TMEM201: variants seen among roughly 807,000 people sequenced by gnomAD.
TMEM201 encodes RP13-15M17.2.
In TMEM201, 26 loss-of-function variants were observed where a neutral mutation model predicts 63.4. The ratio of observed to expected loss-of-function variants is 0.41; its 90% CI spans 0.30 to 0.57. The LOEUF (loss-of-function observed/expected upper bound fraction) is 0.57, where lower values mean the gene tolerates loss of function less well. Among genes scored for constraint, TMEM201 ranks in the 20% least tolerant of loss-of-function variants. The pLI, the probability that TMEM201 is intolerant of heterozygous loss-of-function variation, is 0.29. For missense variants in TMEM201, 794 were observed against 917.7 expected, an observed-to-expected ratio of 0.87 and a Z score of 1.74; for synonymous variants, 417 against 421.6, an observed-to-expected ratio of 0.99 and a Z score of 0.14.
rs577835400 is a variant in TMEM201 at position 9,612,071 on chromosome 1, TC to T, written c.1903+186del. ...GGGTCAGGGACTCAGTAGACGGCACTCCCCCTCTCGGGATTTGGGCCCCGAT... is the reference window on the plus strand; with the variant it reads ...GGGTCAGGGACTCAGTAGACGGCACTCCCCTCTCGGGATTTGGGCCCCGAT... On this transcript the variant is annotated intron_variant, in intron 10 of 10. Transcript: ENST00000340381. Among the ~76,000 whole-genome samples the T allele has an allele frequency of 3.1e-4, 47 of 152,266 alleles. 1 individual carries two copies. In the South Asian group the frequency reaches 9.7e-3, roughly 32 times the overall value.
At chr1:9,612,661 C>A (rs1569968342) in intron 10 of TMEM201, among the ~76,000 whole-genome samples, 1 of 152,206 alleles carries the variant, frequency 6.6e-6, no homozygotes, top group African/African-American at 2.4e-5. Context: ...CTCCTGTTCC[C>A]AGCCCCCATG....
At chr1:9,606,587 GC>G (rs1176861040) in intron 6 of TMEM201, 1 of 152,294 alleles carries the variant, frequency 6.6e-6, no homozygotes, top group Non-Finnish European at 1.5e-5. Flanking sequence ...GGGCCAGCCT[GC>G]CCGCTCACCA....
chr1:9,593,949 G>T (rs1245531174), intron 1 of TMEM201, among the ~76,000 whole-genome samples: 1 of 152,362 alleles, frequency 6.6e-6, no homozygotes, highest in South Asian at 2.1e-4. Context: ...TTAGTTGCCC[G>T]GGAGTGCTAG....
intron 9 of TMEM201, among the ~76,000 whole-genome samples, 178 bp from the exon 10 acceptor site, chr1:9,611,575 G>A (rs904342892): frequency 3.3e-5 from 5 of 152,234 alleles, no homozygotes; most frequent in African/African-American, 1.2e-4. Flanking sequence ...GCAGACAAGA[G>A]GTGGCAGGAC....
intron 3 of TMEM201, among the ~76,000 whole-genome samples, chr1:9,597,513 G>A (rs1644048363): frequency 6.6e-6 from 1 of 150,574 alleles, no homozygotes; most frequent in African/African-American, 2.5e-5. Context: ...GCTTCTGGGA[G>A]GAGGAGGAAG....
intron 1 of TMEM201, among the ~76,000 whole-genome samples, chr1:9,593,409 G>A (rs1434352375): frequency 6.6e-6 from 1 of 152,208 alleles, no homozygotes; most frequent in African/African-American, 2.4e-5. Flanking sequence ...CTGGCAGGTA[G>A]GGCCCGCCTG....
In TMEM201 at chr1:9,608,869, G is replaced by A. The variant is rs1644282860; in HGVS notation, c.1394-971G>A. On this transcript the variant is annotated intron_variant, in intron 7 of 10. Coordinates refer to ENST00000340381, the MANE Select transcript of TMEM201 (RefSeq NM_001130924.3). This position sits in a 1 kb window ranked among gnomAD's most constrained non-coding sequence, Gnocchi z 4.3. ...GGCGCAAGCTTGTCTTGGAGTGTCCGGTGACAGATGGGACCCCAGTCTCCA... is the reference window on the plus strand; with the variant it reads ...GGCGCAAGCTTGTCTTGGAGTGTCCAGTGACAGATGGGACCCCAGTCTCCA... 1.3e-5 allele frequency among the ~76,000 whole-genome samples: 2 copies of A among 152,350 alleles called. No homozygotes were observed. The highest frequency in any genetic ancestry group is 4.8e-5 in the African/African-American group (2 of 41,582).
Position 9,607,653 on chromosome 1 carries a change from C to T in TMEM201, c.1257C>T (p.Ile419=), listed in dbSNP as rs995211719. ...GAGGCTCTCCAGCGTCTCTGTTCAT[C>T]CCCAGCCCGCCCAGCTTCCTGCCCC... ...SVGGSPASLF[I]PSPPSFLPLA... The change falls in exon 7 of 11, where the codon ATC becomes ATT. Residue 419 remains isoleucine, a synonymous_variant. Transcript: ENST00000340381. The surrounding 1 kb of genome is among the most constrained non-coding windows in gnomAD (Gnocchi z 5.4). 4.6e-5 allele frequency: 72 copies of T among 1,551,802 alleles called. No homozygotes were observed. The highest frequency in any genetic ancestry group is 5.1e-5 in the Non-Finnish European group (59 of 1,147,080).
chr1:9,598,829 G>C (rs1037095208), intron 4 of TMEM201, among the ~76,000 whole-genome samples: 16 of 149,822 alleles, frequency 1.1e-4, no homozygotes, highest in Admixed American at 8.6e-4. Flanking sequence ...TTGTATTTTT[G>C]GTAGAAACGG....
chr1:9,610,857 G>A lies in TMEM201; in HGVS notation c.1765+52G>A, dbSNP rs1187691797. Reference sequence around the variant, plus strand: ...GCCGTGGGAGGGCCTCTGCTGCCAAGAGGCCTGGCTGTGCGGCGGTGGGGG... The same window carrying A: ...GCCGTGGGAGGGCCTCTGCTGCCAAAAGGCCTGGCTGTGCGGCGGTGGGGG... On this transcript the variant is annotated intron_variant, in intron 9 of 10. Transcript: ENST00000340381. This position sits in a 1 kb window ranked among gnomAD's most constrained non-coding sequence, Gnocchi z 4.9. The A allele has an allele frequency of 6.7e-7, 1 of 1,500,852 alleles. No homozygotes were observed. Among genetic ancestry groups the A allele is most frequent in the East Asian group, 2.5e-5 (1 of 40,330 alleles). The allele number at this position is 1,500,852 out of a possible 1,614,324, so 93.0% of individuals were successfully genotyped here. A position where few individuals can be genotyped will look rare whatever the true frequency, so the allele number is the denominator to read the frequency against.
At position 9,604,245 on chromosome 1, in the gene TMEM201, G is replaced by A. The variant is rs1475267202; in HGVS notation, c.1160+1973G>A. 1 of 985,300 alleles carries A rather than the reference G, an allele frequency of 1.0e-6. No homozygotes were observed. Among genetic ancestry groups the A allele is most frequent in the African/African-American group, 1.7e-5 (1 of 57,220 alleles). 61.0% of individuals were successfully genotyped at this position (985,300 alleles called of 1,614,324 possible). A position where few individuals can be genotyped will look rare whatever the true frequency, so the allele number is the denominator to read the frequency against. ...TGTGTGTATGTGCGTATTTAAATTA[G>A]ATTATTTATAATAACCAGAGCCAGC... On this transcript the variant is annotated intron_variant, in intron 6 of 10. Transcript: ENST00000340381. This position sits in a 1 kb window ranked among gnomAD's most constrained non-coding sequence, Gnocchi z 4.1.
chr1:9,601,916 G>A (rs1569938440), intron 5 of TMEM201, among the ~76,000 whole-genome samples, 153 bp from the exon 6 acceptor site: 1 of 152,318 alleles, frequency 6.6e-6, no homozygotes, highest in Non-Finnish European at 1.5e-5. Context: ...GAGCCAGGTA[G>A]CGTGTGAGTG....
rs533049655 is a variant in TMEM201 at position 9,610,911 on chromosome 1, C to T, written c.1765+106C>T. The T allele has an allele frequency of 8.3e-5, 123 of 1,484,792 alleles. No homozygotes were observed. The East Asian group carries it at 1.1e-3, about 13-fold the overall frequency. The allele number at this position is 1,484,792 out of a possible 1,614,324, so 92.0% of individuals were successfully genotyped here. ...TCATCCTTGCTCTGACTCCGGTGTG[C>T]GCCTTCCCACCCTGGAGCTCTAGGC... On this transcript the variant is annotated intron_variant, in intron 9 of 10. Coordinates refer to ENST00000340381, the MANE Select transcript of TMEM201 (RefSeq NM_001130924.3). This position sits in a 1 kb window ranked among gnomAD's most constrained non-coding sequence, Gnocchi z 4.9.
chr1:9,594,838 A>G (rs1360154956), intron 1 of TMEM201, among the ~76,000 whole-genome samples: 2 of 152,244 alleles, frequency 1.3e-5, no homozygotes, highest in Non-Finnish European at 1.5e-5. Flanking sequence ...ACTGAGGCTG[A>G]GAGTACAGGA....
chr1:9,593,175 C>T (rs997122604), intron 1 of TMEM201, among the ~76,000 whole-genome samples: 3 of 152,228 alleles, frequency 2.0e-5, no homozygotes, highest in African/African-American at 7.2e-5. Flanking sequence ...CCTCAACAGG[C>T]CGGGCAGAGG....
At position 9,603,106 on chromosome 1, in the gene TMEM201, C is replaced by T. The variant is rs1644178218; in HGVS notation, c.1160+834C>T. 13 of 985,478 alleles carry T rather than the reference C, an allele frequency of 1.3e-5. No homozygotes were observed. The highest frequency in any genetic ancestry group is 1.6e-5 in the Non-Finnish European group (13 of 829,992). 61.0% of individuals were successfully genotyped at this position (985,478 alleles called of 1,614,324 possible). A position where few individuals can be genotyped will look rare whatever the true frequency, so the allele number is the denominator to read the frequency against. ...ATGCAGGCCTTCAGTGACATCAGGTCGTTGTCATCCTTTCCCTCCCTGACC... is the reference window on the plus strand; with the variant it reads ...ATGCAGGCCTTCAGTGACATCAGGTTGTTGTCATCCTTTCCCTCCCTGACC... On this transcript the variant is annotated intron_variant, in intron 6 of 10. Coordinates refer to ENST00000340381, the MANE Select transcript of TMEM201 (RefSeq NM_001130924.3). The surrounding 1 kb of genome is among the most constrained non-coding windows in gnomAD (Gnocchi z 4.5).
In TMEM201 at chr1:9,610,189, C is replaced by T. The variant is rs764487090; in HGVS notation, c.1465+278C>T. Among the ~76,000 whole-genome samples the T allele has an allele frequency of 7.9e-5, 12 of 152,194 alleles. No homozygotes were observed. Among genetic ancestry groups the T allele is most frequent in the Non-Finnish European group, 1.2e-4 (8 of 68,024 alleles). On this transcript the variant is annotated intron_variant, in intron 8 of 10. Transcript: ENST00000340381. This position sits in a 1 kb window ranked among gnomAD's most constrained non-coding sequence, Gnocchi z 4.9. ...CAGGTGCCAGCTGGCAGCAAGGCCT[C>T]GGGTGAGCTGGCCTTGTACCTCCAG...
chr1:9,598,649 G>T (rs9430182), intron 4 of TMEM201, 24 bp downstream of exon 4: 5 of 1,603,758 alleles, frequency 3.1e-6, no homozygotes, highest in Non-Finnish European at 4.3e-6. Flanking sequence ...TCCACAGGGC[G>T]GGGGTGGGGG....
intron 1 of TMEM201, among the ~76,000 whole-genome samples, chr1:9,592,313 A>G (rs1643934374): frequency 6.6e-6 from 1 of 152,218 alleles, no homozygotes; most frequent in Non-Finnish European, 1.5e-5. Flanking sequence ...CTGGCCCCTG[A>G]GGGAACCTGA....
Sources: gnomAD v4.1 joint callset for allele counts (sites outside exome capture counted in the v4.1 genomes callset) on GRCh38, gnomAD v4.1.1 for gene constraint, Gnocchi (gnomAD v3.1) non-coding constraint, MANE v1.5 for transcripts, NCBI Gene and HGNC (gene_info 2026-07-23, HGNC 2026-07-21) for gene names.